The following GOLGA8B variants were observed in gnomAD, a reference collection of about 807,000 sequenced individuals.
The protein encoded by GOLGA8B is golgin subfamily A member 8B.
A neutral mutation model predicts 15.6 loss-of-function variants in GOLGA8B; 1 was observed. That is an observed-to-expected ratio of 0.06 (90% CI 0.02 to 0.30). The LOEUF is 0.30. Ranked by LOEUF, GOLGA8B falls within the 10% of genes least tolerant of loss-of-function variation. The pLI is 1.00. For synonymous variants in GOLGA8B, 9 were observed against 80.3 expected (o/e 0.11, Z 4.75); for missense variants, 17 against 201.3 (o/e 0.08, Z 5.54).
chr15:34,547,042 A>G (rs1595700397), intron 4 of GOLGA8B, 60 bp from the exon 5 acceptor site: 1 of 96,728 alleles, frequency 1.0e-5, no homozygotes, highest in Non-Finnish European at 1.9e-5. Flanking sequence ...AAGTTCAATC[A>G]TAAGATATAT....
chr15:34,581,747 T>A (rs1478886867), intron 1 of GOLGA8B, among the ~76,000 whole-genome samples: 2 of 151,876 alleles, frequency 1.3e-5, no homozygotes, highest in African/African-American at 2.4e-5. Context: ...TCACACACAC[T>A]CACACTCCGT....
rs1490662665 is a variant in GOLGA8B, at chr15:34,526,551, CTAAT to C, written c.*1077_*1080del. On this transcript the variant is annotated 3_prime_UTR_variant, in exon 24 of 24. Coordinates refer to ENST00000683415, the MANE Select transcript of GOLGA8B (RefSeq NM_001023567.5). ...AGGTGTCACACAGCTTTCCTTCACT[CTAAT>C]TCATTCTTGACTAGAGCCTGTATGC... The C allele has an allele frequency of 5.4e-5, 8 of 148,878 alleles. 1 individual carries two copies. The highest frequency in any genetic ancestry group is 2.0e-4 in the African/African-American group (8 of 40,280). 9.2% of individuals were successfully genotyped at this position (148,878 alleles called of 1,614,324 possible).
rs1888406857 is a variant in GOLGA8B at position 34,552,918 on chromosome 15, GTT to G, written c.-739_-738del. 1 of 115,220 alleles carries G rather than the reference GTT, an allele frequency of 8.7e-6. No homozygotes were observed. Among genetic ancestry groups the G allele is most frequent in the Admixed American group, 1.0e-4 (1 of 9,904 alleles). The allele number at this position is 115,220 out of a possible 1,614,324, so 7.1% of individuals were successfully genotyped here. A position where few individuals can be genotyped will look rare whatever the true frequency, so the allele number is the denominator to read the frequency against. On this transcript the variant is annotated 5_prime_UTR_variant, in exon 3 of 24. Transcript: ENST00000683415. ...ACCTGTGGAGGGGGCTGGTGAAGGA[GTT>G]TTCAGTCCCGGGCACCCTGGGCTGT...
At chr15:34,578,102 GACTC>G (rs1434198639) in intron 1 of GOLGA8B, among the ~76,000 whole-genome samples, 3 of 152,138 alleles carry the variant, frequency 2.0e-5, no homozygotes, top group African/African-American at 4.8e-5. Flanking sequence ...AGTGTTCTCT[GACTC>G]ACTATTTACT....
At chr15:34,575,108 A>G (rs1025196193) in intron 1 of GOLGA8B, among the ~76,000 whole-genome samples, 9 of 116,488 alleles carry the variant, frequency 7.7e-5, no homozygotes, top group African/African-American at 2.7e-4. Context: ...AATCCTTGTA[A>G]AAAAAAAAAA....
chr15:34,550,894 G>C (rs946828817), intron 4 of GOLGA8B, among the ~76,000 whole-genome samples: 1 of 114,932 alleles, frequency 8.7e-6, no homozygotes, highest in Non-Finnish European at 1.8e-5. Context: ...ACTTGGGAGG[G>C]TGAGGCAGGA....
At chr15:34,580,076 G>C (rs1013753734) in intron 1 of GOLGA8B, among the ~76,000 whole-genome samples, 1 of 152,146 alleles carries the variant, frequency 6.6e-6, no homozygotes, top group African/African-American at 2.4e-5. Flanking sequence ...TGCCAAGGGG[G>C]TGGGAACAGC....
intron 1 of GOLGA8B, among the ~76,000 whole-genome samples, chr15:34,561,044 G>A (rs1466054124): frequency 6.8e-6 from 1 of 146,592 alleles, no homozygotes; most frequent in Admixed American, 7.1e-5. Context: ...ACCCAGAGTG[G>A]CACCTGGTAT....
intron 1 of GOLGA8B, among the ~76,000 whole-genome samples, chr15:34,578,829 T>A (rs1367953474): frequency 6.6e-6 from 1 of 152,054 alleles, no homozygotes; most frequent in African/African-American, 2.4e-5. Context: ...AACCACATAT[T>A]TTTTTCTCTT....
intron 1 of GOLGA8B, among the ~76,000 whole-genome samples, chr15:34,577,719 AT>A (rs1382859716): frequency 6.6e-6 from 1 of 152,214 alleles, no homozygotes; most frequent in Non-Finnish European, 1.5e-5. Flanking sequence ...CCTAGGCAGC[AT>A]GTTACTGTGC....
At chr15:34,579,660 G>A (rs1595713552) in intron 1 of GOLGA8B, among the ~76,000 whole-genome samples, 1 of 152,180 alleles carries the variant, frequency 6.6e-6, no homozygotes, top group African/African-American at 2.4e-5. Flanking sequence ...CACTGAGTAA[G>A]GGTCTGTGCT....
Position 34,531,725 on chromosome 15 carries a change from CA to C in GOLGA8B, c.325-31del, listed in dbSNP as rs1405307582. 1.2e-5 allele frequency: 6 copies of C among 494,966 alleles called. No individual in the cohort carries two copies. In the African/African-American group the frequency reaches 1.3e-4, roughly 11 times the overall value. 30.7% of individuals were successfully genotyped at this position (494,966 alleles called of 1,614,324 possible). A position where few individuals can be genotyped will look rare whatever the true frequency, so the allele number is the denominator to read the frequency against. ...AGGAAGAGGAAGACAGAGCTCTTAC[CA>C]GGGGGAGGCAGAGAAGGCACAGCAA... On this transcript the variant is annotated intron_variant, in intron 12 of 23. Coordinates refer to ENST00000683415, the MANE Select transcript of GOLGA8B (RefSeq NM_001023567.5).
chr15:34,562,615 G>A (rs1238349169), intron 1 of GOLGA8B, among the ~76,000 whole-genome samples: 1 of 132,356 alleles, frequency 7.6e-6, no homozygotes, highest in Admixed American at 7.6e-5. Flanking sequence ...AGTTTATTTT[G>A]GTCTTATTTT....
intron 1 of GOLGA8B, among the ~76,000 whole-genome samples, chr15:34,569,056 G>C (rs1372900376): frequency 1.3e-5 from 2 of 148,530 alleles, no homozygotes; most frequent in African/African-American, 2.6e-5. Flanking sequence ...TCCTGCTCCT[G>C]GCCAACCCTC....
At chr15:34,549,106 T>C (rs1380136508) in intron 4 of GOLGA8B, among the ~76,000 whole-genome samples, 1 of 31,460 alleles carries the variant, frequency 3.2e-5, no homozygotes, top group African/African-American at 1.1e-4. Context: ...TTGAGCTTTT[T>C]CCTAGAAGAT....
chr15:34,575,152 G>T (rs114842135), intron 1 of GOLGA8B, among the ~76,000 whole-genome samples: 1 of 150,838 alleles, frequency 6.6e-6, no homozygotes, highest in African/African-American at 2.4e-5. Flanking sequence ...GCACTAGCAA[G>T]GCTGGGACTT....
intron 1 of GOLGA8B, among the ~76,000 whole-genome samples, chr15:34,575,451 T>C (rs1213156446): frequency 6.6e-6 from 1 of 151,760 alleles, no homozygotes; most frequent in Admixed American, 6.6e-5. Flanking sequence ...CTTGGTAAAA[T>C]ATGTGTTGTT....
intron 1 of GOLGA8B, among the ~76,000 whole-genome samples, chr15:34,577,648 A>T (rs1889119539): frequency 6.6e-6 from 1 of 152,166 alleles, no homozygotes; most frequent in Admixed American, 6.5e-5. Flanking sequence ...AGCATACATT[A>T]TACAAACCTA....
intron 1 of GOLGA8B, chr15:34,581,327 CCAAA>C (rs1889228801): frequency 6.5e-6 from 1 of 152,716 alleles, no homozygotes; most frequent in African/African-American, 2.4e-5. Context: ...GCGGCCCAAT[CCAAA>C]CAAAGCCCAG....
Sources: allele counts gnomAD v4.1 joint callset (sites outside exome capture counted in the v4.1 genomes callset), GRCh38; gene constraint gnomAD v4.1.1; transcripts MANE v1.5; gene names NCBI Gene and HGNC (gene_info 2026-07-23, HGNC 2026-07-21).